The following MAP4K5 variants were observed in gnomAD, a reference collection of about 807,000 sequenced individuals.
MAP4K5 encodes the protein mitogen-activated protein kinase kinase kinase kinase 5, also known as MAPK/ERK kinase kinase kinase 5.
A neutral mutation model predicts 135.6 loss-of-function variants in MAP4K5; 82 were observed. The observed-to-expected ratio is 0.60, with a 90% confidence interval of 0.51 to 0.73. MAP4K5 has a LOEUF of 0.73. Among genes scored for constraint, MAP4K5 ranks in the 30% least tolerant of loss-of-function variants. MAP4K5 has a pLI of 0.00. For missense variants in MAP4K5, 907 were observed against 1,010.9 expected (o/e 0.90, Z 1.39); for synonymous variants, 347 against 335.0 (o/e 1.04, Z -0.39).
intron 10 of MAP4K5, among the ~76,000 whole-genome samples, chr14:50,467,971 T>G (rs929112963): frequency 2.0e-5 from 3 of 152,134 alleles, no homozygotes; most frequent in African/African-American, 7.2e-5. Context: ...CTTTTTAGCT[T>G]CATACCATTT....
chr14:50,494,555 T>G (rs962766970), intron 3 of MAP4K5, among the ~76,000 whole-genome samples: 4 of 152,200 alleles, frequency 2.6e-5, no homozygotes, highest in African/African-American at 9.6e-5. Context: ...CATTTTTTTT[T>G]GCAGAAATAA....
At chr14:50,521,005 T>C (rs975752314) in intron 2 of MAP4K5, among the ~76,000 whole-genome samples, 2 of 151,920 alleles carry the variant, frequency 1.3e-5, no homozygotes, top group African/African-American at 4.8e-5. Flanking sequence ...GTATTTTTCG[T>C]AGACAGGGTT....
intron 3 of MAP4K5, among the ~76,000 whole-genome samples, chr14:50,497,680 T>C (rs1321410907): frequency 2.0e-5 from 3 of 152,200 alleles, no homozygotes; most frequent in African/African-American, 7.2e-5. Context: ...AGTTAAAGTA[T>C]TCCCTGCAAG....
At chr14:50,469,880 C>G (rs1034353684) in intron 9 of MAP4K5, among the ~76,000 whole-genome samples, 1 of 152,090 alleles carries the variant, frequency 6.6e-6, no homozygotes, top group Non-Finnish European at 1.5e-5. Context: ...CCACAAGGTA[C>G]AAGTTGCTTT....
chr14:50,463,354 G>A (rs1278069013), intron 12 of MAP4K5, among the ~76,000 whole-genome samples: 1 of 152,130 alleles, frequency 6.6e-6, no homozygotes, highest in Non-Finnish European at 1.5e-5. Flanking sequence ...ATTTGTTTTA[G>A]CTGACAGCAA....
chr14:50,499,371 T>C (rs1268312066), intron 3 of MAP4K5, among the ~76,000 whole-genome samples: 3 of 151,978 alleles, frequency 2.0e-5, no homozygotes, highest in Non-Finnish European at 4.4e-5. Flanking sequence ...AGAAGCAGTA[T>C]TGGGGGCCAG....
chr14:50,530,858 A>G (rs971799523), intron 2 of MAP4K5, among the ~76,000 whole-genome samples: 4 of 152,186 alleles, frequency 2.6e-5, no homozygotes, highest in Non-Finnish European at 1.5e-5. Flanking sequence ...TGAAATGCTA[A>G]TATTAATTAG....
intron 15 of MAP4K5, among the ~76,000 whole-genome samples, chr14:50,448,095 C>T (rs998938940): frequency 2.6e-5 from 4 of 152,128 alleles, no homozygotes; most frequent in Admixed American, 6.6e-5. Context: ...CTCACTGCAA[C>T]CTCCACCTCC....
At chr14:50,520,114 T>C (rs192555896) in intron 2 of MAP4K5, among the ~76,000 whole-genome samples, 3 of 152,180 alleles carry the variant, frequency 2.0e-5, no homozygotes, top group Admixed American at 1.3e-4. Context: ...CCTGTAATCC[T>C]AGGACTTTGG....
upstream of MAP4K5, among the ~76,000 whole-genome samples, chr14:50,535,811 G>A (rs146127367): frequency 5.8e-3 from 889 of 152,298 alleles, 9 homozygotes; most frequent in African/African-American, 0.02. Context: ...GATATGGTTT[G>A]TCTGTGTCCC....
intron 28 of MAP4K5, among the ~76,000 whole-genome samples, chr14:50,433,428 G>T (rs1182346461): frequency 6.6e-6 from 1 of 152,100 alleles, no homozygotes; most frequent in Non-Finnish European, 1.5e-5. Flanking sequence ...ATTGGCCATG[G>T]GTGGAGTATT....
At chr14:50,433,813 G>C (rs576382364) in intron 28 of MAP4K5, among the ~76,000 whole-genome samples, 4 of 152,230 alleles carry the variant, frequency 2.6e-5, no homozygotes, top group Admixed American at 2.6e-4. Context: ...CTAGCAAAAT[G>C]GAGGCCCCAC....
chr14:50,505,970 C>T (rs761977524), intron 2 of MAP4K5, among the ~76,000 whole-genome samples: 4 of 152,158 alleles, frequency 2.6e-5, no homozygotes, highest in Non-Finnish European at 5.9e-5. Context: ...CATTTTACCA[C>T]TATACTCTCT....
chr14:50,473,153 T>C (rs112167666), intron 9 of MAP4K5, among the ~76,000 whole-genome samples: 2,664 of 152,286 alleles, frequency 0.017, 47 homozygotes, highest in Non-Finnish European at 0.022. Context: ...GTATTTCTAA[T>C]ATGTAGGTAA....
At chr14:50,457,201 G>A (rs1231889673) in intron 13 of MAP4K5, among the ~76,000 whole-genome samples, 1 of 152,168 alleles carries the variant, frequency 6.6e-6, no homozygotes, top group African/African-American at 2.4e-5. Context: ...GAGCCCAATC[G>A]ACAAAGGCTC....
chr14:50,560,900 G>T, intron 1 of MAP4K5: 1 of 153,752 alleles, frequency 6.5e-6, no homozygotes, highest in South Asian at 2.0e-4. Context: ...GAGCACTGCA[G>T]TACTCCTCTT....
chr14:50,553,066 G>A (rs1209216641), intron 1 of MAP4K5, among the ~76,000 whole-genome samples: 3 of 152,114 alleles, frequency 2.0e-5, no homozygotes, highest in East Asian at 1.9e-4. Context: ...AGGCTGAGGC[G>A]GGTAGATTAC....
At chr14:50,437,390 C>T (rs1439833880) in intron 26 of MAP4K5, 86 bp downstream of exon 26, 6 of 1,034,692 alleles carry the variant, frequency 5.8e-6, no homozygotes, top group Non-Finnish European at 8.5e-6. Context: ...TACCCTCCTT[C>T]CTATTTGATT....
intron 6 of MAP4K5, among the ~76,000 whole-genome samples, chr14:50,481,026 G>A (rs1437636546): frequency 2.0e-5 from 3 of 151,186 alleles, no homozygotes; most frequent in African/African-American, 4.8e-5. Flanking sequence ...AAAAGATTAC[G>A]GTCACATACC....
Sources: gnomAD v4.1 joint callset for allele counts (sites outside exome capture counted in the v4.1 genomes callset) on GRCh38, gnomAD v4.1.1 for gene constraint, MANE v1.5 for transcripts, NCBI Gene and HGNC (gene_info 2026-07-23, HGNC 2026-07-21) for gene names.